Variants in PAN3 observed in about 807,000 individuals in gnomAD.
PAN3 encodes the protein PAN2-PAN3 deadenylation complex subunit PAN3.
A neutral mutation model predicts 96.2 loss-of-function variants in PAN3; 19 were observed. The observed-to-expected ratio is 0.20, with a 90% CI of 0.14 to 0.29. PAN3 has a LOEUF of 0.29. Among genes scored for constraint, PAN3 ranks in the 10% least tolerant of loss-of-function variants. The probability of loss-of-function intolerance (pLI) is 1.00; values close to 1 mark genes in which losing one functional copy is unlikely to be tolerated. For missense variants in PAN3, 882 were observed against 1,108.1 expected (o/e 0.80, Z 2.90); for synonymous variants, 433 against 406.6 (o/e 1.06, Z -0.78).
chr13:28,286,925 A>C (rs183613731), intron 17 of PAN3, among the ~76,000 whole-genome samples: 3 of 152,170 alleles, frequency 2.0e-5, no homozygotes, highest in African/African-American at 4.8e-5. Flanking sequence ...TCTGATCCCT[A>C]CCTACTTCTC....
intron 12 of PAN3, 129 bp downstream of exon 12, chr13:28,267,530 G>A (rs974829307): frequency 1.7e-5 from 13 of 745,680 alleles, no homozygotes; most frequent in Admixed American, 2.8e-5. Context: ...ATTACATTTT[G>A]TACTAGTTGT....
At chr13:28,247,394 C>G (rs572672413) in intron 6 of PAN3, among the ~76,000 whole-genome samples, 110 of 152,116 alleles carry the variant, frequency 7.2e-4, no homozygotes, top group African/African-American at 2.5e-3. Flanking sequence ...ATTGTCTTCA[C>G]TTTGTTGATT....
intron 1 of PAN3, among the ~76,000 whole-genome samples, chr13:28,160,979 C>T (rs180677163): frequency 1.2e-3 from 190 of 152,230 alleles, no homozygotes; most frequent in African/African-American, 4.3e-3. Context: ...ATAATTTCTT[C>T]GAATAGTTTA....
intron 6 of PAN3, among the ~76,000 whole-genome samples, chr13:28,222,784 A>G (rs1001091869): frequency 2.0e-5 from 3 of 152,264 alleles, no homozygotes; most frequent in African/African-American, 7.2e-5. Flanking sequence ...ACTGTCTATT[A>G]TAGGTGTAAC....
intron 6 of PAN3, among the ~76,000 whole-genome samples, chr13:28,232,167 C>T (rs1882639769): frequency 6.6e-6 from 1 of 152,080 alleles, no homozygotes; most frequent in South Asian, 2.1e-4. Context: ...CACAGAATTC[C>T]TAATCCCCCG....
chr13:28,139,486 T>G (rs1282409840), intron 1 of PAN3, among the ~76,000 whole-genome samples: 2 of 133,750 alleles, frequency 1.5e-5, no homozygotes, highest in Non-Finnish European at 3.1e-5. Context: ...TGCAGAGTGT[T>G]GAGGTTCCCT....
chr13:28,216,182 A>G (rs969548253), intron 5 of PAN3, among the ~76,000 whole-genome samples: 5 of 150,920 alleles, frequency 3.3e-5, no homozygotes, highest in African/African-American at 1.2e-4. Flanking sequence ...GAGACCCATT[A>G]AAACAAAGTT....
chr13:28,235,722 C>CACACACACACATAT (rs763204992), intron 6 of PAN3, among the ~76,000 whole-genome samples: 12 of 148,948 alleles, frequency 8.1e-5, no homozygotes, highest in African/African-American at 2.7e-4. Context: ...CACACACACA[C>CACACACACACATAT]ATATATATAT....
intron 17 of PAN3, among the ~76,000 whole-genome samples, chr13:28,282,236 A>G (rs538596700): frequency 6.6e-6 from 1 of 152,342 alleles, no homozygotes; most frequent in East Asian, 1.9e-4. Flanking sequence ...GACAGGTAGA[A>G]CAGAATTTGC....
intron 17 of PAN3, among the ~76,000 whole-genome samples, chr13:28,287,260 T>G (rs1235323374): frequency 6.6e-6 from 1 of 152,278 alleles, no homozygotes; most frequent in African/African-American, 2.4e-5. Flanking sequence ...TTATACATTT[T>G]CTGTAATCAT....
chr13:28,210,219 A>G lies in PAN3; in HGVS notation c.853-10012A>G, dbSNP rs554749290. On this transcript the variant is annotated intron_variant, in intron 5 of 18. Transcript: ENST00000380958. ...CTAACAACTGTCTTTGGAAATTTAC[A>G]TGTCTATAATGTCAAGCTGTTATGT... Among the ~76,000 whole-genome samples the G allele has an allele frequency of 1.3e-4, 20 of 152,336 alleles. No individual in the cohort carries two copies. In the South Asian group the frequency reaches 3.3e-3, roughly 25 times the overall value.
At chr13:28,229,001 T>G (rs918081009) in intron 6 of PAN3, among the ~76,000 whole-genome samples, 3 of 152,192 alleles carry the variant, frequency 2.0e-5, no homozygotes, top group African/African-American at 7.2e-5. Flanking sequence ...GGGAAGAGCT[T>G]CTCAGCATCT....
intron 17 of PAN3, among the ~76,000 whole-genome samples, chr13:28,285,809 A>G (rs373834798): frequency 3.0e-4 from 45 of 152,130 alleles, no homozygotes; most frequent in African/African-American, 1.0e-3. Context: ...TCCAAGAACA[A>G]TTCTGTTTTC....
intron 14 of PAN3, among the ~76,000 whole-genome samples, chr13:28,272,517 A>G (rs1245338033): frequency 6.6e-6 from 1 of 151,068 alleles, no homozygotes; most frequent in South Asian, 2.1e-4. Context: ...TGATGTACTT[A>G]GTGTAGAGCC....
upstream of PAN3, chr13:28,138,412 G>C (rs1312233088): frequency 1.2e-5 from 3 of 255,806 alleles, no homozygotes; most frequent in African/African-American, 6.8e-5. Context: ...GCCCCTTTAA[G>C]AAAAGAGAAC....
intron 1 of PAN3, among the ~76,000 whole-genome samples, chr13:28,154,577 C>T (rs1232020947): frequency 1.3e-5 from 2 of 152,052 alleles, no homozygotes; most frequent in Non-Finnish European, 2.9e-5. Context: ...TCACTGCAAC[C>T]TCTGCCTCTA....
intron 14 of PAN3, among the ~76,000 whole-genome samples, chr13:28,274,052 A>G (rs990702763): frequency 6.6e-6 from 1 of 152,166 alleles, no homozygotes; most frequent in Non-Finnish European, 1.5e-5. Context: ...AGTTGTTTGC[A>G]GACGTTTCAC....
chr13:28,278,959 C>T (rs973316680), intron 15 of PAN3, among the ~76,000 whole-genome samples: 1 of 151,896 alleles, frequency 6.6e-6, no homozygotes, highest in African/African-American at 2.4e-5. Flanking sequence ...ACAAAATTCC[C>T]ATCTTCTGGA....
intron 5 of PAN3, chr13:28,215,365 A>G (rs567826480): frequency 3.7e-4 from 276 of 752,312 alleles, no homozygotes; most frequent in Admixed American, 7.7e-4. Context: ...GCTCCAGTCA[A>G]CGTTACAACT....
Sources: gnomAD v4.1 joint callset for allele counts (sites outside exome capture counted in the v4.1 genomes callset) on GRCh38, gnomAD v4.1.1 for gene constraint, MANE v1.5 for transcripts, NCBI Gene and HGNC (gene_info 2026-07-23, HGNC 2026-07-21) for gene names.